Variants in ANKRD22 observed in about 807,000 individuals in gnomAD.
ANKRD22 encodes ankyrin repeat domain 22.
ANKRD22 carries 24 observed loss-of-function variants against 25.7 expected under a neutral mutation model. The observed-to-expected ratio is 0.93, with a 90% CI of 0.68 to 1.31. The LOEUF (loss-of-function observed/expected upper bound fraction) is 1.31, where lower values mean the gene tolerates loss of function less well. ANKRD22 is among the 50% of genes most tolerant of loss of function. The probability of loss-of-function intolerance (pLI) is 0.00; values close to 1 mark genes in which losing one functional copy is unlikely to be tolerated. For synonymous variants in ANKRD22, 84 were observed against 84.3 expected (o/e 1.00, Z 0.02); for missense variants, 214 against 227.1 (o/e 0.94, Z 0.37).
At position 88,821,018 on chromosome 10, in the gene ANKRD22, A is replaced by T. The variant is rs1237782592; in HGVS notation, c.*1923T>A. Among the ~76,000 whole-genome samples, 1 of 152,198 alleles carries T rather than the reference A, an allele frequency of 6.6e-6. No individual in the cohort carries two copies. The highest frequency in any genetic ancestry group is 1.5e-5 in the Non-Finnish European group (1 of 68,024). ...TTACAGTATGGATGAAATCTATGTT[A>T]AGCATTCTCAGAATAAGGCCAAGTT... On this transcript the variant is annotated 3_prime_UTR_variant, in exon 6 of 6. Coordinates refer to ENST00000371930, the MANE Select transcript of ANKRD22 (RefSeq NM_144590.3).
At chr10:88,832,644 C>G (rs1163078029) in intron 1 of ANKRD22, among the ~76,000 whole-genome samples, 2 of 152,100 alleles carry the variant, frequency 1.3e-5, no homozygotes, top group Admixed American at 6.5e-5. Context: ...ACCCTGTATT[C>G]AAGGAGCTCA....
chr10:88,822,882 A>G lies in ANKRD22; in HGVS notation c.*59T>C. The G allele has an allele frequency of 6.7e-7, 1 of 1,494,996 alleles. No homozygotes were observed. Among genetic ancestry groups the G allele is most frequent in the Non-Finnish European group, 9.3e-7 (1 of 1,077,118 alleles). The allele number at this position is 1,494,996 out of a possible 1,614,324, so 92.6% of individuals were successfully genotyped here. The stretch of plus-strand genomic sequence containing the variant: ...ATGGCCCACAGACCAAAAGTCTAAA[A>G]TGAAGATAGAATCCAGTCGTTAACT... On this transcript the variant is annotated 3_prime_UTR_variant, in exon 6 of 6. Coordinates refer to ENST00000371930, the MANE Select transcript of ANKRD22 (RefSeq NM_144590.3).
chr10:88,839,536 A>G (rs1247151106), intron 1 of ANKRD22, among the ~76,000 whole-genome samples: 4 of 152,116 alleles, frequency 2.6e-5, no homozygotes, highest in Non-Finnish European at 4.4e-5. Context: ...GTTCATCTCC[A>G]AGAAATCTCT....
intron 4 of ANKRD22, 40 bp from the exon 5 acceptor site, chr10:88,823,418 G>A (rs768108229): frequency 3.4e-5 from 50 of 1,452,964 alleles, no homozygotes; most frequent in Admixed American, 1.7e-4. Flanking sequence ...CATAAGTCGG[G>A]CCCTCCACAG....
rs1051225290 is a variant in ANKRD22, at chr10:88,821,593, C to T, written c.*1348G>A. On this transcript the variant is annotated 3_prime_UTR_variant, in exon 6 of 6. Transcript: ENST00000371930. Reference sequence around the variant, plus strand: ...GCCAGTGAATCTTAATTTATTAAGACACGTTTAAAGACTTCAGAATCTATA... The same window carrying T: ...GCCAGTGAATCTTAATTTATTAAGATACGTTTAAAGACTTCAGAATCTATA... 6.6e-6 allele frequency among the ~76,000 whole-genome samples: 1 copy of T among 151,888 alleles called. No individual in the cohort carries two copies. The highest frequency in any genetic ancestry group is 1.5e-5 in the Non-Finnish European group (1 of 67,954).
At chr10:88,826,766 C>T (rs1345064373) in intron 3 of ANKRD22, among the ~76,000 whole-genome samples, 4 of 152,138 alleles carry the variant, frequency 2.6e-5, no homozygotes, top group Non-Finnish European at 5.9e-5. Context: ...GCTATCCTAA[C>T]ACCAGTCGCC....
chr10:88,828,402 A>G (rs1484260141), intron 3 of ANKRD22, among the ~76,000 whole-genome samples, 157 bp downstream of exon 3: 1 of 152,182 alleles, frequency 6.6e-6, no homozygotes, highest in African/African-American at 2.4e-5. Flanking sequence ...CTTCAATTAT[A>G]GCATTGGATG....
rs1473225859 is a variant in ANKRD22 at position 88,823,020 on chromosome 10, T to A, written c.499-2A>T. ...AATATCCAGTGAGCTCTCACCATGC[T>A]GAGGGGGGAAAAATATACAGTTATT... is the stretch of plus-strand genomic sequence containing the variant. On this transcript the variant is annotated splice_acceptor_variant, in intron 5 of 5. Coordinates refer to ENST00000371930, the MANE Select transcript of ANKRD22 (RefSeq NM_144590.3). LOFTEE classifies it high-confidence loss of function. The A allele has an allele frequency of 3.7e-6, 6 of 1,612,298 alleles. No homozygotes were observed. Among genetic ancestry groups the A allele is most frequent in the Non-Finnish European group, 5.1e-6 (6 of 1,178,438 alleles).
chr10:88,828,500 C>T lies in ANKRD22; in HGVS notation c.321+59G>A, dbSNP rs3814691. On this transcript the variant is annotated intron_variant, in intron 3 of 5. Coordinates refer to ENST00000371930, the MANE Select transcript of ANKRD22 (RefSeq NM_144590.3). ...AACATCTCACTGGCCTGGCAAGAGT[C>T]AATGAGTCACACCATCGATCTCCAC... The T allele has an allele frequency of 0.015, 19,398 of 1,270,128 alleles. 794 individuals carry two copies. In the East Asian group the frequency reaches 0.16, roughly 10 times the overall value. The allele number at this position is 1,270,128 out of a possible 1,614,324, so 78.7% of individuals were successfully genotyped here.
intron 3 of ANKRD22, among the ~76,000 whole-genome samples, chr10:88,826,655 T>C (rs756340846): frequency 1.3e-5 from 2 of 152,152 alleles, no homozygotes; most frequent in African/African-American, 2.4e-5. Context: ...CTCCCTCTCT[T>C]CTTTGCCTGG....
At chr10:88,827,858 T>C (rs1345179325) in intron 3 of ANKRD22, among the ~76,000 whole-genome samples, 1 of 152,234 alleles carries the variant, frequency 6.6e-6, no homozygotes, top group African/African-American at 2.4e-5. Context: ...TTGAGTCATG[T>C]CTGAGAAGTG....
intron 1 of ANKRD22, among the ~76,000 whole-genome samples, chr10:88,846,460 G>A (rs1400480870): frequency 6.6e-6 from 1 of 152,168 alleles, no homozygotes; most frequent in Non-Finnish European, 1.5e-5. Context: ...TACTTTTGAT[G>A]AGAATTTTAG....
chr10:88,849,301 T>C (rs1338662382), intron 1 of ANKRD22, among the ~76,000 whole-genome samples: 3 of 152,132 alleles, frequency 2.0e-5, no homozygotes, highest in South Asian at 2.1e-4. Context: ...ATGTACCTCA[T>C]TGGACCTGGA....
intron 1 of ANKRD22, among the ~76,000 whole-genome samples, chr10:88,838,387 C>T (rs1843974921): frequency 6.6e-6 from 1 of 151,928 alleles, no homozygotes; most frequent in Non-Finnish European, 1.5e-5. Flanking sequence ...CATATGTAAG[C>T]CAGATAAAGA....
Position 88,828,604 on chromosome 10 carries a change from T to G in ANKRD22, c.276A>C (p.Leu92=), listed in dbSNP as rs1261076433. ...KKKFTFIDYL[L]IILLMPVLLI... is the part of the protein sequence containing the mutation. Reference sequence around the variant, plus strand: ...GCAGAACAGGCATTAAGAGGATAATTAGTAGATAATCAATGAAGGTAAATT... The same window carrying G: ...GCAGAACAGGCATTAAGAGGATAATGAGTAGATAATCAATGAAGGTAAATT... The change falls in exon 3 of 6, where the codon CTA becomes CTC. Residue 92 remains leucine, a synonymous_variant. Transcript: ENST00000371930. The G allele has an allele frequency of 6.2e-7, 1 of 1,611,414 alleles. No individual in the cohort carries two copies. The highest frequency in any genetic ancestry group is 1.7e-5 in the Admixed American group (1 of 59,748).
chr10:88,851,626 T>G lies in ANKRD22; in HGVS notation c.-19A>C. 1.2e-6 allele frequency: 2 copies of G among 1,613,194 alleles called. No individual in the cohort carries two copies. The highest frequency in any genetic ancestry group is 1.7e-6 in the Non-Finnish European group (2 of 1,179,360). On this transcript the variant is annotated 5_prime_UTR_variant, in exon 1 of 6. Transcript: ENST00000371930. Reference sequence around the variant, plus strand: ...TTCCCATGCTGGTCCTTCACAGGCTTACTTCACCTCTACAGCTCCTTGAAT... The same window carrying G: ...TTCCCATGCTGGTCCTTCACAGGCTGACTTCACCTCTACAGCTCCTTGAAT...
rs1843799823 is a variant in ANKRD22 at position 88,821,905 on chromosome 10, TCA to T, written c.*1034_*1035del. Among the ~76,000 whole-genome samples, 1 of 152,210 alleles carries T rather than the reference TCA, an allele frequency of 6.6e-6. No individual in the cohort carries two copies. The highest frequency in any genetic ancestry group is 1.5e-5 in the Non-Finnish European group (1 of 68,032). On this transcript the variant is annotated 3_prime_UTR_variant, in exon 6 of 6. Transcript: ENST00000371930. ...CAGATATTTTGATATTCGCAATCTCTCACTTAGACAAATAATCCAGATCCTAC... is the reference window on the plus strand; with the variant it reads ...CAGATATTTTGATATTCGCAATCTCTCTTAGACAAATAATCCAGATCCTAC...
chr10:88,833,646 T>A (rs563971663), intron 1 of ANKRD22, among the ~76,000 whole-genome samples: 1 of 152,270 alleles, frequency 6.6e-6, no homozygotes, highest in East Asian at 1.9e-4. Context: ...GGCCTACTCA[T>A]GAAAGAAACA....
chr10:88,838,641 C>A (rs201059289), intron 1 of ANKRD22, among the ~76,000 whole-genome samples: 4 of 151,970 alleles, frequency 2.6e-5, no homozygotes, highest in African/African-American at 9.7e-5. Flanking sequence ...CTGAGGATGA[C>A]CCCGGGGGAC....
Sources: allele counts gnomAD v4.1 joint callset (sites outside exome capture counted in the v4.1 genomes callset), GRCh38; gene constraint gnomAD v4.1.1; transcripts MANE v1.5; gene names NCBI Gene and HGNC (gene_info 2026-07-23, HGNC 2026-07-21).